The following VOPP1 variants were observed in gnomAD, a reference collection of about 807,000 sequenced individuals.
The protein encoded by VOPP1 is WW domain binding protein VOPP1.
Under a neutral mutation model 23.5 loss-of-function variants are expected in VOPP1, and 8 were observed. The observed-to-expected ratio is 0.34, with a 90% CI of 0.20 to 0.61. The LOEUF (loss-of-function observed/expected upper bound fraction) is 0.61. Among genes scored for constraint, VOPP1 ranks in the 20% least tolerant of loss-of-function variants. VOPP1 has a pLI of 0.78. For synonymous variants in VOPP1, 83 were observed against 97.3 expected, an observed-to-expected ratio of 0.85 and a Z score of 0.86; for missense variants, 174 against 238.1, an observed-to-expected ratio of 0.73 and a Z score of 1.77.
At chr7:55,479,795 C>T (rs62457889) in intron 4 of VOPP1, among the ~76,000 whole-genome samples, 19,407 of 152,154 alleles carry the variant, frequency 0.13, 1,544 homozygotes, top group Middle Eastern at 0.2. Flanking sequence ...ACATGGAGCA[C>T]ACAGTGGAAG....
chr7:55,535,544 A>G (rs10237992), intron 1 of VOPP1, among the ~76,000 whole-genome samples: 148,045 of 152,284 alleles, frequency 0.97, 72,084 homozygotes, highest in East Asian at 1. Context: ...ATTTCCATCC[A>G]TGCACCTCTA....
At chr7:55,454,907 T>A (rs1383422326) in intron 4 of VOPP1, among the ~76,000 whole-genome samples, 1 of 152,202 alleles carries the variant, frequency 6.6e-6, no homozygotes, top group African/African-American at 2.4e-5. Flanking sequence ...GGATGCCCTC[T>A]CTCATCACTC....
At chr7:55,533,389 C>A (rs548918165) in intron 1 of VOPP1, among the ~76,000 whole-genome samples, 8 of 152,256 alleles carry the variant, frequency 5.3e-5, no homozygotes, top group Admixed American at 2.6e-4. Flanking sequence ...GCTTCCAGAG[C>A]CATCACTTAT....
At chr7:55,444,019 T>C (rs1791034488) in intron 4 of VOPP1, among the ~76,000 whole-genome samples, 2 of 152,184 alleles carry the variant, frequency 1.3e-5, no homozygotes. Flanking sequence ...TTTGCTTCAA[T>C]ATGATGCAGG....
At chr7:55,538,516 A>T in intron 1 of VOPP1, 1 of 1,154,538 alleles carries the variant, frequency 8.7e-7, no homozygotes, top group Non-Finnish European at 1.2e-6. Flanking sequence ...GAACAACCCT[A>T]TGGTCCAAAG....
chr7:55,474,849 A>C (rs1250282854), intron 4 of VOPP1, among the ~76,000 whole-genome samples: 1 of 152,250 alleles, frequency 6.6e-6, no homozygotes, highest in Non-Finnish European at 1.5e-5. Flanking sequence ...GATGAGAAGG[A>C]TGCATAGGCA....
At chr7:55,477,136 T>G (rs1792317254) in intron 4 of VOPP1, among the ~76,000 whole-genome samples, 1 of 152,218 alleles carries the variant, frequency 6.6e-6, no homozygotes, top group South Asian at 2.1e-4. Context: ...CAGCCCCCTC[T>G]TGCTGCCTGT....
At chr7:55,495,708 G>C (rs79803492) in intron 3 of VOPP1, among the ~76,000 whole-genome samples, 1 of 152,180 alleles carries the variant, frequency 6.6e-6, no homozygotes, top group African/African-American at 2.4e-5. Flanking sequence ...ACAATGCCTG[G>C]TGTATATCAG....
chr7:55,512,201 G>A (rs991942566), intron 2 of VOPP1, among the ~76,000 whole-genome samples: 4 of 152,118 alleles, frequency 2.6e-5, no homozygotes, highest in Admixed American at 6.6e-5. Flanking sequence ...CGAGGCAGGC[G>A]GATCACTTGA....
intron 1 of VOPP1, among the ~76,000 whole-genome samples, chr7:55,553,648 C>A (rs945529414): frequency 2.0e-5 from 3 of 151,908 alleles, no homozygotes; most frequent in South Asian, 4.2e-4. Flanking sequence ...CACCCCACCC[C>A]TACCACACAA....
intron 4 of VOPP1, among the ~76,000 whole-genome samples, chr7:55,476,429 CGGGGGGGTGGGCG>C (rs1216068804): frequency 1.3e-4 from 1 of 7,640 alleles, no homozygotes; most frequent in Non-Finnish European, 2.7e-4. Flanking sequence ...AGTGGCGTGT[CGGGGGGGTGGGCG>C]GGGGGGCTGG....
intron 4 of VOPP1, among the ~76,000 whole-genome samples, chr7:55,450,261 A>G (rs1238622295): frequency 6.6e-6 from 1 of 152,090 alleles, no homozygotes; most frequent in African/African-American, 2.4e-5. Context: ...TTGAGGTCCC[A>G]CCAGTCCTCC....
chr7:55,537,358 G>T, intron 1 of VOPP1: 1 of 1,161,322 alleles, frequency 8.6e-7, no homozygotes, highest in Non-Finnish European at 1.2e-6. Context: ...GCAAGCAGAG[G>T]CCAACAAGTC....
At chr7:55,499,523 GC>G (rs1271690965) in intron 2 of VOPP1, among the ~76,000 whole-genome samples, 1 of 152,224 alleles carries the variant, frequency 6.6e-6, no homozygotes, top group Non-Finnish European at 1.5e-5. Context: ...CTGGGGAGGA[GC>G]TTTCTCTCTA....
intron 1 of VOPP1, among the ~76,000 whole-genome samples, chr7:55,522,387 C>T (rs556317793): frequency 3.3e-5 from 5 of 152,292 alleles, no homozygotes; most frequent in East Asian, 3.9e-4. Context: ...GTTTTATTAA[C>T]GGAAAATGAG....
intron 4 of VOPP1, among the ~76,000 whole-genome samples, chr7:55,485,045 A>G (rs1474856994): frequency 1.3e-5 from 2 of 152,248 alleles, no homozygotes; most frequent in Admixed American, 1.3e-4. Context: ...AAAACTGTGC[A>G]GGGCTTCTTT....
chr7:55,477,007 C>T (rs539742943), intron 4 of VOPP1, among the ~76,000 whole-genome samples: 126 of 152,358 alleles, frequency 8.3e-4, no homozygotes, highest in African/African-American at 2.9e-3. Flanking sequence ...ATATCCCAGG[C>T]TTTCACCATG....
At chr7:55,455,916 CCAAAAGCAATGGCAA>C (rs1317219083) in intron 4 of VOPP1, among the ~76,000 whole-genome samples, 2 of 152,160 alleles carry the variant, frequency 1.3e-5, no homozygotes, top group Admixed American at 1.3e-4. Context: ...GACTCAAACT[CCAAAAGCAATGGCAA>C]CAAAAGCCAA....
intron 4 of VOPP1, among the ~76,000 whole-genome samples, chr7:55,483,080 C>T (rs1792863389): frequency 6.6e-6 from 1 of 152,198 alleles, no homozygotes; most frequent in South Asian, 2.1e-4. Context: ...GCAGAGTTCA[C>T]AGGTGCTCAC....
Sources: gnomAD v4.1 joint callset for allele counts (sites outside exome capture counted in the v4.1 genomes callset) on GRCh38, gnomAD v4.1.1 for gene constraint, MANE v1.5 for transcripts, NCBI Gene and HGNC (gene_info 2026-07-23, HGNC 2026-07-21) for gene names.